The following TAFA4 variants were observed in gnomAD, a reference collection of about 807,000 sequenced individuals.
TAFA4 encodes the protein TAFA chemokine like family member 4.
A neutral mutation model predicts 21.1 loss-of-function variants in TAFA4; 20 were observed. The ratio of observed to expected loss-of-function variants is 0.95; its 90% CI spans 0.67 to 1.38. The LOEUF is 1.38. Among genes scored for constraint, TAFA4 ranks in the 40% most tolerant of loss-of-function variants. The pLI, the probability that TAFA4 is intolerant of heterozygous loss-of-function variation, is 0.00. For synonymous variants in TAFA4, 71 were observed against 67.4 expected (o/e 1.05, Z -0.26); for missense variants, 211 against 180.9 (o/e 1.17, Z -0.95).
intron 3 of TAFA4, among the ~76,000 whole-genome samples, chr3:68,779,672 T>C (rs1469611211): frequency 6.6e-6 from 1 of 152,160 alleles, no homozygotes; most frequent in Non-Finnish European, 1.5e-5. Flanking sequence ...GAATTGAGGT[T>C]TGAGAACTTC....
At chr3:68,884,990 A>T (rs1469037110) in intron 2 of TAFA4, among the ~76,000 whole-genome samples, 185 bp downstream of exon 2, 2 of 152,216 alleles carry the variant, frequency 1.3e-5, no homozygotes, top group East Asian at 3.8e-4. Flanking sequence ...ACTATTTTGC[A>T]AACTGAAATA....
chr3:68,764,436 C>T (rs1702810622), intron 3 of TAFA4, among the ~76,000 whole-genome samples: 1 of 151,966 alleles, frequency 6.6e-6, no homozygotes. Context: ...TTGTAGAAGC[C>T]CCCACTGACT....
chr3:68,867,148 A>G lies in TAFA4; in HGVS notation c.130+13582T>C, dbSNP rs1464443129. On this transcript the variant is annotated intron_variant, in intron 3 of 5. Coordinates refer to ENST00000295569, the MANE Select transcript of TAFA4 (RefSeq NM_182522.5). The stretch of plus-strand genomic sequence containing the variant: ...AAGCAGATAATAATCAAACTCTCAA[A>G]GGTCAAGGAAAAAGAGAGGATGCTA... Among the ~76,000 whole-genome samples the G allele has an allele frequency of 3.3e-5, 5 of 151,940 alleles. No individual in the cohort carries two copies. In the East Asian group the frequency reaches 9.7e-4, roughly 29 times the overall value.
chr3:68,733,543 T>TA (rs1491155668), intron 5 of TAFA4, among the ~76,000 whole-genome samples: 5 of 152,100 alleles, frequency 3.3e-5, no homozygotes, highest in Admixed American at 3.3e-4. Flanking sequence ...TTGCCTTTTT[T>TA]ATGTTATTTT....
intron 3 of TAFA4, among the ~76,000 whole-genome samples, chr3:68,771,806 G>A (rs1257912271): frequency 6.6e-6 from 1 of 152,234 alleles, no homozygotes; most frequent in Non-Finnish European, 1.5e-5. Context: ...CATACGAAGA[G>A]CAAGAGGTGA....
chr3:68,918,107 A>G (rs1392257354), intron 1 of TAFA4, among the ~76,000 whole-genome samples: 1 of 147,942 alleles, frequency 6.8e-6, no homozygotes, highest in Non-Finnish European at 1.5e-5. Context: ...TGAGACTTAA[A>G]TAATGAGAGG....
At chr3:68,802,336 C>T (rs539885917) in intron 3 of TAFA4, among the ~76,000 whole-genome samples, 1 of 151,976 alleles carries the variant, frequency 6.6e-6, no homozygotes, top group Non-Finnish European at 1.5e-5. Context: ...AATTTACATG[C>T]TAAATCAGAA....
intron 3 of TAFA4, among the ~76,000 whole-genome samples, chr3:68,875,678 T>G (rs1317059136): frequency 2.0e-5 from 3 of 152,128 alleles, no homozygotes; most frequent in African/African-American, 4.8e-5. Context: ...TGCTCATTAT[T>G]GATCAAAATA....
chr3:68,911,289 G>A (rs770954916), intron 1 of TAFA4, among the ~76,000 whole-genome samples: 13 of 152,220 alleles, frequency 8.5e-5, no homozygotes, highest in East Asian at 1.9e-4. Flanking sequence ...TCATCTTCTC[G>A]TAAGGCAAAG....
chr3:68,804,421 A>T (rs1703643161), intron 3 of TAFA4, among the ~76,000 whole-genome samples: 1 of 152,174 alleles, frequency 6.6e-6, no homozygotes, highest in African/African-American at 2.4e-5. Flanking sequence ...GCTACCAATG[A>T]CTTTCTTCAC....
At chr3:68,789,832 T>C (rs1703330293) in intron 3 of TAFA4, among the ~76,000 whole-genome samples, 1 of 152,152 alleles carries the variant, frequency 6.6e-6, no homozygotes, top group South Asian at 2.1e-4. Flanking sequence ...ATTTAACACA[T>C]ACCCACACAC....
intron 3 of TAFA4, among the ~76,000 whole-genome samples, chr3:68,774,196 A>G (rs1703008573): frequency 6.6e-6 from 1 of 152,224 alleles, no homozygotes; most frequent in East Asian, 1.9e-4. Context: ...ACCTGCTAAG[A>G]TCAATAGCAA....
intron 3 of TAFA4, among the ~76,000 whole-genome samples, chr3:68,794,203 A>C (rs1703414272): frequency 6.6e-6 from 1 of 152,156 alleles, no homozygotes; most frequent in Admixed American, 6.5e-5. Context: ...CTGTCCATGA[A>C]CCCAAGCTAA....
At chr3:68,921,301 C>T (rs1559564078) in intron 1 of TAFA4, among the ~76,000 whole-genome samples, 2 of 152,036 alleles carry the variant, frequency 1.3e-5, no homozygotes, top group Non-Finnish European at 2.9e-5. Context: ...CCTGCCAACA[C>T]CCACACATTT....
At chr3:68,841,520 G>C (rs1381783576) in intron 3 of TAFA4, among the ~76,000 whole-genome samples, 1 of 151,968 alleles carries the variant, frequency 6.6e-6, no homozygotes, top group Non-Finnish European at 1.5e-5. Flanking sequence ...GTCACCTCCA[G>C]TTGATTTACT....
At chr3:68,916,500 C>T (rs1177919111) in intron 1 of TAFA4, among the ~76,000 whole-genome samples, 2 of 152,122 alleles carry the variant, frequency 1.3e-5, no homozygotes, top group African/African-American at 2.4e-5. Context: ...ACATGTAACT[C>T]GAAGTATTCT....
chr3:68,831,606 GC>G (rs1704395803), intron 3 of TAFA4, among the ~76,000 whole-genome samples: 1 of 152,124 alleles, frequency 6.6e-6, no homozygotes, highest in Non-Finnish European at 1.5e-5. Context: ...CTCTCTGGCT[GC>G]CCTTAACATT....
At chr3:68,849,634 A>C (rs1375533788) in intron 3 of TAFA4, among the ~76,000 whole-genome samples, 2 of 152,194 alleles carry the variant, frequency 1.3e-5, no homozygotes, top group Non-Finnish European at 2.9e-5. Context: ...CCTGTGGAGA[A>C]CCACCACCTA....
At chr3:68,733,228 A>G in intron 5 of TAFA4, 75 bp from the exon 6 acceptor site, 3 of 1,565,112 alleles carry the variant, frequency 1.9e-6, no homozygotes, top group South Asian at 1.2e-5. Flanking sequence ...CCCGAGACCA[A>G]TAAGGTCCTG....
Sources: allele counts gnomAD v4.1 joint callset (sites outside exome capture counted in the v4.1 genomes callset), GRCh38; gene constraint gnomAD v4.1.1; transcripts MANE v1.5; gene names NCBI Gene and HGNC (gene_info 2026-07-23, HGNC 2026-07-21).